TSNAXIP1: variants seen among roughly 807,000 people sequenced by gnomAD.
The protein encoded by TSNAXIP1 is translin associated factor X interacting protein 1, also known as translin-associated factor X-interacting protein 1.
Under a neutral mutation model 84.8 loss-of-function variants are expected in TSNAXIP1, and 89 were observed. That is an observed-to-expected ratio of 1.05 (90% confidence interval 0.88 to 1.25). TSNAXIP1 has a LOEUF of 1.25. Ranked by LOEUF, TSNAXIP1 falls within the 50% of genes most tolerant of loss-of-function variation. TSNAXIP1 has a pLI of 0.00. For synonymous variants in TSNAXIP1, 347 were observed against 335.2 expected (o/e 1.04, Z -0.39); for missense variants, 874 against 887.6 (o/e 0.98, Z 0.20).
chr16:67,826,521 C>G lies in TSNAXIP1; in HGVS notation c.1360C>G (p.Leu454Val), dbSNP rs775863743. 1 of 1,614,176 alleles carries G rather than the reference C, an allele frequency of 6.2e-7. No homozygotes were observed. Among genetic ancestry groups the G allele is most frequent in the Non-Finnish European group, 8.5e-7 (1 of 1,180,028 alleles). Residue 454 changes from leucine to valine, a missense_variant, in exon 11 of 16, where the codon CTC (leucine) becomes GTC (valine). By Grantham distance (32) the Leu-to-Val change is conservative (BLOSUM62 1). Transcript: ENST00000561639. ...GCCAAGCAAGAAGGACGTGGTCAAC[C>G]TCCTCAAGGATGCCTGGAAGGAACG... ...KKPSKKDVVN[L>V]LKDAWKERLA...
chr16:67,825,596 G>A (rs1567771792), intron 7 of TSNAXIP1, 71 bp from the exon 8 acceptor site: 1 of 1,545,452 alleles, frequency 6.5e-7, no homozygotes, highest in African/African-American at 1.4e-5. Flanking sequence ...CAAACAGGAA[G>A]GGCAGAGGGC....
chr16:67,811,018 C>T (rs893135653), intron 1 of TSNAXIP1, among the ~76,000 whole-genome samples: 7 of 151,346 alleles, frequency 4.6e-5, no homozygotes, highest in African/African-American at 1.7e-4. Flanking sequence ...AACGGGGTCT[C>T]GCTATATTGC....
At position 67,825,647 on chromosome 16, in the gene TSNAXIP1, T is replaced by G. The variant is rs778495319; in HGVS notation, c.815-20T>G. 5 of 1,599,016 alleles carry G rather than the reference T, an allele frequency of 3.1e-6. No homozygotes were observed. The East Asian group carries it at 6.7e-5, about 21-fold the overall frequency. On this transcript the variant is annotated intron_variant, in intron 7 of 15. Transcript: ENST00000561639. ...AGAAAGCCACGGTGACACGGGCTGG[T>G]GGGCCCCTTCCCCTGGCAGGCATCT...
chr16:67,825,961 T>A lies in TSNAXIP1; in HGVS notation c.1029T>A (p.His343Gln). Residue 343 changes from histidine to glutamine, a missense_variant, in exon 9 of 16, where the codon CAT becomes CAA. His to Gln is a conservative substitution (Grantham distance 24). Transcript: ENST00000561639. ...GCTACGAGGAGGTTCGCAAGGAGCA[T>A]GAGATCCTCATGCAGCTGCACATGA... ...RASYEEVRKE[H>Q]EILMQLHMST... 6.2e-7 allele frequency: 1 copy of A among 1,614,016 alleles called. No individual in the cohort carries two copies. The highest frequency in any genetic ancestry group is 8.5e-7 in the Non-Finnish European group (1 of 1,180,000).
intron 2 of TSNAXIP1, among the ~76,000 whole-genome samples, chr16:67,816,739 G>T (rs1272079599): frequency 6.6e-6 from 1 of 152,032 alleles, no homozygotes; most frequent in Non-Finnish European, 1.5e-5. Flanking sequence ...CCGCCTTCCC[G>T]TTTTTACCTA....
chr16:67,807,185 G>T lies in TSNAXIP1; in HGVS notation c.36G>T (p.Ser12=). The change falls in exon 1 of 16, where the codon TCG becomes TCT. Residue 12 remains serine (S), a synonymous_variant. Transcript: ENST00000561639. ...ACQQSRYHSF[S]SASRLQPRPS... Reference sequence around the variant, plus strand: ...AGCAGTCGCGGTACCACAGCTTCTCGTCCGCGTCGAGGTAGGCGCTGGCAG... The same window carrying T: ...AGCAGTCGCGGTACCACAGCTTCTCTTCCGCGTCGAGGTAGGCGCTGGCAG... 6.5e-7 allele frequency: 1 copy of T among 1,535,990 alleles called. No homozygotes were observed. The highest frequency in any genetic ancestry group is 8.7e-7 in the Non-Finnish European group (1 of 1,146,882).
At chr16:67,818,208 C>A (rs548762228) in intron 2 of TSNAXIP1, among the ~76,000 whole-genome samples, 4 of 151,554 alleles carry the variant, frequency 2.6e-5, no homozygotes, top group East Asian at 3.9e-4. Flanking sequence ...GACTCAGTCT[C>A]AAAAAAATAA....
In TSNAXIP1 at chr16:67,827,330, C is replaced by T. The variant is rs142694688; in HGVS notation, c.1746C>T (p.Ser582=). ...ELMEAGGWHP[S]SSNADLLNYR... Reference sequence around the variant, plus strand: ...TGGAGGCAGGGGGCTGGCATCCCAGCAGCAGCAATGCAGACTTGCTCAACT... The same window carrying T: ...TGGAGGCAGGGGGCTGGCATCCCAGTAGCAGCAATGCAGACTTGCTCAACT... Residue 582 remains serine (S), a synonymous_variant, in exon 14 of 16, where the codon AGC becomes AGT. Coordinates refer to ENST00000561639, the MANE Select transcript of TSNAXIP1 (RefSeq NM_001288990.3). 7.2e-5 allele frequency: 117 copies of T among 1,614,224 alleles called. No individual in the cohort carries two copies. The African/African-American group carries it at 1.1e-3, about 15-fold the overall frequency.
intron 13 of TSNAXIP1, 73 bp downstream of exon 13, chr16:67,827,145 G>C (rs1308541664): frequency 2.5e-6 from 4 of 1,605,252 alleles, no homozygotes; most frequent in African/African-American, 1.3e-5. Context: ...AGGGGCACCT[G>C]GTGGGAAGGG....
At chr16:67,814,679 C>A (rs781490031) in intron 2 of TSNAXIP1, among the ~76,000 whole-genome samples, 37 of 152,304 alleles carry the variant, frequency 2.4e-4, no homozygotes, top group Admixed American at 4.6e-4. Context: ...AGACATCCCT[C>A]CCCAGCAGCT....
intron 2 of TSNAXIP1, among the ~76,000 whole-genome samples, chr16:67,820,237 G>A (rs989421919): frequency 5.9e-5 from 9 of 152,030 alleles, no homozygotes; most frequent in African/African-American, 1.9e-4. Flanking sequence ...AATTACAGGC[G>A]TGAGCCACCG....
At chr16:67,821,270 G>GGGGGC in intron 4 of TSNAXIP1, 45 bp downstream of exon 4, 7 of 874,278 alleles carry the variant, frequency 8.0e-6, no homozygotes, top group Non-Finnish European at 1.1e-5. Context: ...GGAAGGGTGG[G>GGGGGC]AAGAAGCTTC....
chr16:67,817,775 C>T (rs1298358551), intron 2 of TSNAXIP1, among the ~76,000 whole-genome samples: 1 of 151,772 alleles, frequency 6.6e-6, no homozygotes. Flanking sequence ...CCTGCAGTCT[C>T]TTCGGGAGGC....
In TSNAXIP1 at chr16:67,826,299, G is replaced by A; in HGVS notation, c.1275+17G>A. On this transcript the variant is annotated intron_variant, in intron 10 of 15. Transcript: ENST00000561639. ...CCTGGTCTGGTAGGGGAGGCCCCAG[G>A]AGTGGGGCTTGGGCCAGAGTCAGAA... The A allele has an allele frequency of 6.3e-7, 1 of 1,577,974 alleles. No homozygotes were observed. Among genetic ancestry groups the A allele is most frequent in the Non-Finnish European group, 8.6e-7 (1 of 1,160,132 alleles).
chr16:67,824,917 C>A, intron 6 of TSNAXIP1, 138 bp downstream of exon 6: 1 of 1,122,650 alleles, frequency 8.9e-7, no homozygotes. Flanking sequence ...GCCTTGCTAA[C>A]TCCACCCTCT....
Position 67,826,081 on chromosome 16 carries a change from G to C in TSNAXIP1, c.1144+5G>C, listed in dbSNP as rs550682373. 100 of 1,613,354 alleles carry C rather than the reference G, an allele frequency of 6.2e-5. No homozygotes were observed. Among genetic ancestry groups the C allele is most frequent in the Middle Eastern group, 3.3e-4 (2 of 6,058 alleles). On this transcript the variant is annotated splice_donor_5th_base_variant and intron_variant, in intron 9 of 15. Transcript: ENST00000561639. Reference sequence around the variant, plus strand: ...CTGACTGGACCAAGTGCAAAGGTGAGGGCAGCCGGCAGGGCCCCAGGTCCT... The same window carrying C: ...CTGACTGGACCAAGTGCAAAGGTGACGGCAGCCGGCAGGGCCCCAGGTCCT...
At chr16:67,823,784 G>A (rs941404915) in intron 5 of TSNAXIP1, 65 bp downstream of exon 5, 34 of 1,385,848 alleles carry the variant, frequency 2.5e-5, no homozygotes, top group East Asian at 1.2e-4. Flanking sequence ...TTAGGAGGCC[G>A]AGGCGGTAGA....
intron 6 of TSNAXIP1, 150 bp from the exon 7 acceptor site, chr16:67,824,987 T>A: frequency 8.0e-7 from 1 of 1,245,648 alleles, no homozygotes; most frequent in African/African-American, 1.5e-5. Context: ...CTTGCCGAAT[T>A]CTCAGAAATG....
At chr16:67,813,279 C>G (rs2056259756) in intron 1 of TSNAXIP1, among the ~76,000 whole-genome samples, 1 of 151,638 alleles carries the variant, frequency 6.6e-6, no homozygotes, top group Admixed American at 6.6e-5. Flanking sequence ...CCCAGCTACT[C>G]AGGAAGCTGA....
Sources: allele counts gnomAD v4.1 joint callset (sites outside exome capture counted in the v4.1 genomes callset), GRCh38; gene constraint gnomAD v4.1.1; transcripts MANE v1.5; gene names NCBI Gene and HGNC (gene_info 2026-07-23, HGNC 2026-07-21).